The following NPAS3 variants were observed in gnomAD, a reference collection of about 807,000 sequenced individuals.
NPAS3 encodes the protein neuronal PAS domain protein 3, also known as neuronal PAS domain-containing protein 3.
NPAS3 carries 14 observed loss-of-function variants against 73.1 expected under a neutral mutation model. The observed-to-expected ratio is 0.19, with a 90% CI of 0.13 to 0.30. The LOEUF (loss-of-function observed/expected upper bound fraction) is 0.30. NPAS3 is among the 10% of genes least tolerant of loss of function. The pLI is 1.00. For missense variants in NPAS3, 1,096 were observed against 1,250.0 expected (o/e 0.88, Z 1.86); for synonymous variants, 620 against 541.5 (o/e 1.14, Z -2.01).
chr14:33,576,333 G>A (rs540701199), intron 5 of NPAS3, among the ~76,000 whole-genome samples: 1 of 152,260 alleles, frequency 6.6e-6, no homozygotes, highest in South Asian at 2.1e-4. Flanking sequence ...CTGATACGAT[G>A]TTTCCTAGCT....
intron 4 of NPAS3, among the ~76,000 whole-genome samples, chr14:33,427,837 C>A (rs2048619786): frequency 6.6e-6 from 1 of 151,986 alleles, no homozygotes; most frequent in African/African-American, 2.4e-5. Flanking sequence ...TATATAAATT[C>A]TCATGTCTGT....
intron 4 of NPAS3, among the ~76,000 whole-genome samples, chr14:33,408,897 G>T (rs143066153): frequency 6.7e-4 from 102 of 152,276 alleles, no homozygotes; most frequent in African/African-American, 2.4e-3. Context: ...GGAAAGTGGA[G>T]TATGTGGAAT....
At chr14:33,143,834 C>T (rs72676785) in intron 2 of NPAS3, among the ~76,000 whole-genome samples, 3,160 of 152,228 alleles carry the variant, frequency 0.021, 41 homozygotes, top group Non-Finnish European at 0.032. Flanking sequence ...CCTTTTGTGT[C>T]TGGTTTCTTT....
chr14:33,592,799 T>C (rs1187411802), intron 5 of NPAS3, among the ~76,000 whole-genome samples: 1 of 152,190 alleles, frequency 6.6e-6, no homozygotes, highest in Non-Finnish European at 1.5e-5. Context: ...GAGATGCTAA[T>C]TGGACGAAAC....
At position 33,790,133 on chromosome 14, in the gene NPAS3, G is replaced by C. The variant is rs550288920; in HGVS notation, c.1154-3764G>C. ...CTCTGTTCCTTTCCCTTTGTAGTTT[G>C]TAGACATGGTTATGACTTTACTCCT... On this transcript the variant is annotated intron_variant, in intron 9 of 11. Transcript: ENST00000356141. Among the ~76,000 whole-genome samples the C allele has an allele frequency of 1.8e-3, 281 of 152,272 alleles. 2 individuals carry two copies. The highest frequency in any genetic ancestry group is 6.2e-3 in the African/African-American group (258 of 41,570).
At chr14:33,629,152 G>T (rs913149991) in intron 5 of NPAS3, among the ~76,000 whole-genome samples, 1 of 151,540 alleles carries the variant, frequency 6.6e-6, no homozygotes, top group Admixed American at 6.6e-5. Context: ...GGAGAATGGC[G>T]TGAGCCCCGG....
chr14:33,079,325 CT>C (rs772885846), intron 2 of NPAS3, among the ~76,000 whole-genome samples: 72 of 132,192 alleles, frequency 5.4e-4, no homozygotes, highest in Middle Eastern at 4.0e-3. Flanking sequence ...TTTCTTTTTC[CT>C]TTTTTTTTTT....
At chr14:33,555,889 G>GTGTCTGT (rs1555411751) in intron 4 of NPAS3, among the ~76,000 whole-genome samples, 1 of 148,484 alleles carries the variant, frequency 6.7e-6, no homozygotes, top group African/African-American at 2.5e-5. Context: ...AATTGTTGTT[G>GTGTCTGT]GTGTGTCTGT....
chr14:33,315,388 TGA>T (rs1236426563), intron 3 of NPAS3, among the ~76,000 whole-genome samples: 2 of 152,008 alleles, frequency 1.3e-5, no homozygotes, highest in African/African-American at 4.8e-5. Context: ...ATACCAAACT[TGA>T]GAATGAGGTC....
chr14:33,315,867 A>G (rs1275676191), intron 3 of NPAS3, among the ~76,000 whole-genome samples: 1 of 152,084 alleles, frequency 6.6e-6, no homozygotes, highest in Non-Finnish European at 1.5e-5. Flanking sequence ...AAAGATGTGC[A>G]TGAGACGTAT....
intron 2 of NPAS3, among the ~76,000 whole-genome samples, chr14:33,108,195 A>ATT (rs11373741): frequency 0.063 from 8,796 of 140,364 alleles, 734 homozygotes; most frequent in East Asian, 0.38. Context: ...TATTGTTCTG[A>ATT]TTTTTTTTTT....
At chr14:33,092,149 G>C (rs2042247320) in intron 2 of NPAS3, among the ~76,000 whole-genome samples, 1 of 152,052 alleles carries the variant, frequency 6.6e-6, no homozygotes, top group Non-Finnish European at 1.5e-5. Flanking sequence ...AGAAATAAAG[G>C]GTATTCAATT....
intron 2 of NPAS3, among the ~76,000 whole-genome samples, chr14:33,146,004 A>G (rs957703442): frequency 2.0e-5 from 3 of 152,202 alleles, no homozygotes; most frequent in Non-Finnish European, 4.4e-5. Context: ...TGAATGTATC[A>G]CAAGTAAAGA....
At chr14:33,538,783 C>T (rs1001137627) in intron 4 of NPAS3, among the ~76,000 whole-genome samples, 8 of 152,064 alleles carry the variant, frequency 5.3e-5, no homozygotes, top group Admixed American at 2.6e-4. Context: ...AAGCAGTTCC[C>T]CTGTAATGCA....
intron 2 of NPAS3, among the ~76,000 whole-genome samples, chr14:33,097,214 C>CA (rs1359420399): frequency 2.7e-5 from 4 of 150,732 alleles, no homozygotes; most frequent in African/African-American, 4.9e-5. Context: ...ATCATCTCTG[C>CA]AAAAAAATTG....
intron 3 of NPAS3, among the ~76,000 whole-genome samples, chr14:33,344,631 ATTAC>A (rs2044642694): frequency 6.6e-6 from 1 of 152,224 alleles, no homozygotes; most frequent in South Asian, 2.1e-4. Flanking sequence ...TTTAACTCTT[ATTAC>A]TTGTTCATAA....
rs143125842 is a variant in NPAS3 at position 32,993,313 on chromosome 14, T to C, written c.50+53947T>C. ...TTTGGGACTGACCACTTTTAGAGGT[T>C]TGGGAGTAGGAAGAACAGGAGACTC... On this transcript the variant is annotated intron_variant, in intron 1 of 11. Coordinates refer to ENST00000356141, the Ensembl canonical transcript of NPAS3. Among the ~76,000 whole-genome samples, 101 of 152,186 alleles carry C rather than the reference T, an allele frequency of 6.6e-4. 2 individuals are homozygous for C. In the East Asian group the frequency reaches 0.017, roughly 25 times the overall value.
At chr14:33,037,996 C>T (rs2040226737) in intron 1 of NPAS3, among the ~76,000 whole-genome samples, 1 of 152,178 alleles carries the variant, frequency 6.6e-6, no homozygotes, top group Non-Finnish European at 1.5e-5. Flanking sequence ...CATCTAACTT[C>T]CCCCTGCCTG....
intron 2 of NPAS3, among the ~76,000 whole-genome samples, chr14:33,074,084 G>T (rs2041576496): frequency 6.6e-6 from 1 of 152,070 alleles, no homozygotes; most frequent in Non-Finnish European, 1.5e-5. Flanking sequence ...TGCTTCAACA[G>T]GATTCAATCA....
Sources: gnomAD v4.1 joint callset for allele counts (sites outside exome capture counted in the v4.1 genomes callset) on GRCh38, gnomAD v4.1.1 for gene constraint, MANE v1.5 for transcripts, NCBI Gene and HGNC (gene_info 2026-07-23, HGNC 2026-07-21) for gene names.